HERC5: variants seen among roughly 807,000 people sequenced by gnomAD.
HERC5 encodes HECT and RLD domain containing E3 ubiquitin protein ligase 5.
In HERC5, 99 loss-of-function variants were observed where a neutral mutation model predicts 119.6. The ratio of observed to expected loss-of-function variants is 0.83; its 90% confidence interval spans 0.70 to 0.98. The LOEUF (loss-of-function observed/expected upper bound fraction) is 0.98. Ranked by LOEUF, HERC5 falls within the 50% of genes least tolerant of loss-of-function variation. The pLI, the probability that HERC5 is intolerant of heterozygous loss-of-function variation, is 0.00. For synonymous variants in HERC5, 478 were observed against 445.9 expected, an observed-to-expected ratio of 1.07 and a Z score of -0.91; for missense variants, 1,267 against 1,241.3, an observed-to-expected ratio of 1.02 and a Z score of -0.31.
chr4:88,458,926 T>C (rs1166745965), intron 1 of HERC5, among the ~76,000 whole-genome samples: 1 of 152,216 alleles, frequency 6.6e-6, no homozygotes, highest in Non-Finnish European at 1.5e-5. Context: ...TTATTACTGT[T>C]ATTTGCTTTT....
intron 13 of HERC5, 89 bp downstream of exon 13, chr4:88,479,596 T>C: frequency 9.3e-7 from 1 of 1,074,110 alleles, no homozygotes. Context: ...AGTAGACTCG[T>C]GTGAGACATA....
chr4:88,492,414 A>T (rs1336085644), intron 16 of HERC5, among the ~76,000 whole-genome samples: 2 of 151,790 alleles, frequency 1.3e-5, no homozygotes, highest in Non-Finnish European at 2.9e-5. Flanking sequence ...AGTGGTAAAA[A>T]CTTTAGGCTC....
At chr4:88,459,114 T>G (rs970424779) in intron 1 of HERC5, among the ~76,000 whole-genome samples, 2 of 152,190 alleles carry the variant, frequency 1.3e-5, no homozygotes, top group Admixed American at 6.5e-5. Context: ...TATGTTCCAT[T>G]TACAACAAAG....
chr4:88,484,783 C>G (rs1741401921), intron 13 of HERC5, among the ~76,000 whole-genome samples: 1 of 152,220 alleles, frequency 6.6e-6, no homozygotes, highest in Non-Finnish European at 1.5e-5. Context: ...AAAGCCCCAA[C>G]CATTGAAAAT....
At chr4:88,494,573 A>G (rs1449410830) in intron 18 of HERC5, among the ~76,000 whole-genome samples, 1 of 152,244 alleles carries the variant, frequency 6.6e-6, no homozygotes, top group Non-Finnish European at 1.5e-5. Context: ...CTGTGTAGGA[A>G]CAGTCATGCA....
intron 16 of HERC5, among the ~76,000 whole-genome samples, chr4:88,490,151 A>AT (rs1488056693): frequency 2.6e-5 from 4 of 152,142 alleles, no homozygotes; most frequent in Non-Finnish European, 4.4e-5. Flanking sequence ...TTACCATATA[A>AT]TTTGTCTTAT....
At chr4:88,469,391 T>C (rs1490899956) in intron 9 of HERC5, 131 bp downstream of exon 9, 2 of 686,086 alleles carry the variant, frequency 2.9e-6, no homozygotes, top group Middle Eastern at 4.7e-4. Flanking sequence ...GATATGTGTG[T>C]ATTTCTGTCT....
At chr4:88,476,107 A>C (rs1449714908) in intron 12 of HERC5, 77 bp downstream of exon 12, 1 of 1,151,736 alleles carries the variant, frequency 8.7e-7, no homozygotes, top group Non-Finnish European at 1.3e-6. Context: ...TGGCAAAACT[A>C]AGATACTTAG....
chr4:88,493,237 T>G, intron 17 of HERC5, 82 bp downstream of exon 17: 5 of 1,175,918 alleles, frequency 4.3e-6, no homozygotes, highest in Non-Finnish European at 6.0e-6. Flanking sequence ...TTGTCTAGAC[T>G]ATTTCATGTT....
At chr4:88,478,798 G>A (rs1741171445) in intron 12 of HERC5, among the ~76,000 whole-genome samples, 1 of 151,996 alleles carries the variant, frequency 6.6e-6, no homozygotes, top group South Asian at 2.1e-4. Context: ...TTCTGGTAGA[G>A]ACCGAGTTTC....
At chr4:88,491,321 GTCAA>G (rs1303323589) in intron 16 of HERC5, among the ~76,000 whole-genome samples, 1 of 152,174 alleles carries the variant, frequency 6.6e-6, no homozygotes, top group African/African-American at 2.4e-5. Context: ...GGAAGTGACT[GTCAA>G]TCAGGAGAGA....
intron 12 of HERC5, among the ~76,000 whole-genome samples, chr4:88,476,952 C>T (rs574592652): frequency 6.6e-6 from 1 of 151,462 alleles, no homozygotes; most frequent in Non-Finnish European, 1.5e-5. Context: ...CTGTATTACC[C>T]TGGCATCATT....
intron 16 of HERC5, among the ~76,000 whole-genome samples, chr4:88,490,088 A>G (rs898730909): frequency 6.6e-6 from 1 of 152,242 alleles, no homozygotes; most frequent in Non-Finnish European, 1.5e-5. Context: ...ATTTTGGGGT[A>G]TAATTGTAGA....
chr4:88,468,276 A>T, intron 7 of HERC5, 70 bp from the exon 8 acceptor site: 1 of 1,024,066 alleles, frequency 9.8e-7, no homozygotes, highest in Non-Finnish European at 1.5e-6. Flanking sequence ...ATCTGAAGTT[A>T]TTTAAATTGA....
intron 12 of HERC5, among the ~76,000 whole-genome samples, chr4:88,477,946 G>A (rs1469864720): frequency 6.8e-6 from 1 of 147,898 alleles, no homozygotes; most frequent in Non-Finnish European, 1.5e-5. Context: ...GTGCATTCAC[G>A]AACGATTTTT....
chr4:88,466,289 CCAG>C (rs1270736658), intron 6 of HERC5, among the ~76,000 whole-genome samples: 2 of 152,078 alleles, frequency 1.3e-5, no homozygotes, highest in Non-Finnish European at 2.9e-5. Context: ...CTTATATTGG[CCAG>C]GCTGGTCTTA....
At chr4:88,463,414 C>A (rs895478768) in intron 4 of HERC5, 118 bp from the exon 5 acceptor site, 2 of 663,922 alleles carry the variant, frequency 3.0e-6, no homozygotes, top group South Asian at 1.9e-5. Context: ...TAGAGCCTTT[C>A]TTGTCAGAAT....
At chr4:88,457,606 A>T in intron 1 of HERC5, 72 bp downstream of exon 1, 1 of 1,216,438 alleles carries the variant, frequency 8.2e-7, no homozygotes, top group South Asian at 4.0e-5. Flanking sequence ...AGGGGCGGGC[A>T]GCCGGGGGTC....
intron 13 of HERC5, 60 bp downstream of exon 13, chr4:88,479,567 C>G: frequency 7.1e-7 from 1 of 1,402,582 alleles, no homozygotes; most frequent in Non-Finnish European, 9.5e-7. Flanking sequence ...CCCTTCCTTT[C>G]AGCTGGCTTG....
Sources: gnomAD v4.1 joint callset for allele counts (sites outside exome capture counted in the v4.1 genomes callset) on GRCh38, gnomAD v4.1.1 for gene constraint, MANE v1.5 for transcripts, NCBI Gene and HGNC (gene_info 2026-07-23, HGNC 2026-07-21) for gene names.